Variants in CDH4 observed in about 807,000 individuals in gnomAD.
CDH4 encodes the protein cadherin 4.
A neutral mutation model predicts 86.0 loss-of-function variants in CDH4; 33 were observed. The observed-to-expected ratio is 0.38, with a 90% CI of 0.29 to 0.51. The LOEUF (loss-of-function observed/expected upper bound fraction) is 0.51. CDH4 is among the 20% of genes least tolerant of loss of function. The probability of loss-of-function intolerance (pLI) is 0.86; values close to 1 mark genes in which losing one functional copy is unlikely to be tolerated. For synonymous variants in CDH4, 555 were observed against 549.4 expected, an observed-to-expected ratio of 1.01 and a Z score of -0.14; for missense variants, 1,114 against 1,307.4, an observed-to-expected ratio of 0.85 and a Z score of 2.28.
intron 2 of CDH4, among the ~76,000 whole-genome samples, chr20:61,542,159 A>G (rs1201693748): frequency 6.6e-6 from 1 of 152,220 alleles, no homozygotes; most frequent in African/African-American, 2.4e-5. Flanking sequence ...TACTGGGTTA[A>G]GCTACTGAGA....
intron 2 of CDH4, among the ~76,000 whole-genome samples, chr20:61,607,109 C>A (rs2086651777): frequency 6.6e-6 from 1 of 152,178 alleles, no homozygotes; most frequent in Non-Finnish European, 1.5e-5. Flanking sequence ...CCTGCCTTTG[C>A]CACACAGACC....
At chr20:61,728,235 C>T (rs765025521) in intron 2 of CDH4, among the ~76,000 whole-genome samples, 9 of 152,220 alleles carry the variant, frequency 5.9e-5, no homozygotes, top group South Asian at 2.1e-4. Context: ...AACATCTAAG[C>T]ATAACCACCT....
At chr20:61,653,489 C>T (rs867984140) in intron 2 of CDH4, among the ~76,000 whole-genome samples, 1 of 139,608 alleles carries the variant, frequency 7.2e-6, no homozygotes, top group Non-Finnish European at 1.6e-5. Flanking sequence ...GGCAGAGGGG[C>T]TCCTCACTTC....
chr20:61,904,284 T>C (rs977928855), intron 8 of CDH4, among the ~76,000 whole-genome samples: 2 of 152,162 alleles, frequency 1.3e-5, no homozygotes, highest in Non-Finnish European at 2.9e-5. Flanking sequence ...CTCCCAGTCC[T>C]CTGGGTACCT....
At chr20:61,774,368 G>A (rs117218193) in intron 4 of CDH4, among the ~76,000 whole-genome samples, 6,207 of 152,306 alleles carry the variant, frequency 0.041, 143 homozygotes, top group Middle Eastern at 0.078. Context: ...GCAACCTCCC[G>A]CCCACCACGG....
chr20:61,815,333 G>A (rs190151261), intron 4 of CDH4, among the ~76,000 whole-genome samples: 243 of 152,340 alleles, frequency 1.6e-3, no homozygotes, highest in African/African-American at 5.4e-3. Context: ...TCTCGTGTAC[G>A]ATGCTTTGTG....
chr20:61,933,096 ACGAGGAAGGCGGTGG>A lies in CDH4; in HGVS notation c.2358_2372del (p.Gly787_Glu791del). The A allele has an allele frequency of 6.2e-7, 1 of 1,613,104 alleles. No homozygotes were observed. Among genetic ancestry groups the A allele is most frequent in the Non-Finnish European group, 8.5e-7 (1 of 1,179,944 alleles). ...GTCCGCGACAACATCCTCAAGTATG[ACGAGGAAGGCGGTGG>A]CGAGGAGGACCAGGTGAGACTGCGG... On this transcript the variant is annotated inframe_deletion, in exon 14 of 16. Coordinates refer to ENST00000614565, the MANE Select transcript of CDH4 (RefSeq NM_001794.5).
intron 2 of CDH4, among the ~76,000 whole-genome samples, chr20:61,437,935 T>C (rs190797559): frequency 7.9e-4 from 121 of 152,330 alleles, no homozygotes; most frequent in Non-Finnish European, 9.7e-4. Context: ...TAAGGGCCAG[T>C]AGGCTTTTCA....
intron 2 of CDH4, among the ~76,000 whole-genome samples, chr20:61,505,330 G>T (rs1203798214): frequency 6.6e-6 from 1 of 152,222 alleles, no homozygotes; most frequent in Non-Finnish European, 1.5e-5. Flanking sequence ...GATTCAGTAT[G>T]CTTCAGAGCG....
intron 3 of CDH4, among the ~76,000 whole-genome samples, chr20:61,749,877 G>A (rs184733186): frequency 1.2e-4 from 19 of 152,264 alleles, no homozygotes; most frequent in Admixed American, 3.3e-4. Flanking sequence ...CCCAGCCAAC[G>A]TGGTGAAACC....
rs564519539 is a variant in CDH4 at position 61,516,873 on chromosome 20, C to T, written c.170-226690C>T. On this transcript the variant is annotated intron_variant, in intron 2 of 15. Coordinates refer to ENST00000614565, the MANE Select transcript of CDH4 (RefSeq NM_001794.5). The surrounding 1 kb of genome is among the most constrained non-coding windows in gnomAD (Gnocchi z 4.0). Reference sequence around the variant, plus strand: ...CCTACTCCCTGGCTCCTCGTCCTAGCAAGGAGCTCCAGGCACCCTCAGCCT... The same window carrying T: ...CCTACTCCCTGGCTCCTCGTCCTAGTAAGGAGCTCCAGGCACCCTCAGCCT... Among the ~76,000 whole-genome samples, 1 of 152,334 alleles carries T rather than the reference C, an allele frequency of 6.6e-6. No individual in the cohort carries two copies. Among genetic ancestry groups the T allele is most frequent in the African/African-American group, 2.4e-5 (1 of 41,576 alleles).
intron 2 of CDH4, among the ~76,000 whole-genome samples, chr20:61,562,186 G>A (rs1446365126): frequency 1.0e-5 from 1 of 98,892 alleles, no homozygotes; most frequent in African/African-American, 4.5e-5. Flanking sequence ...GTGGAGAGGT[G>A]GACCCCAGGG....
intron 6 of CDH4, among the ~76,000 whole-genome samples, chr20:61,853,563 G>A (rs540737782): frequency 1.3e-5 from 2 of 152,278 alleles, no homozygotes; most frequent in South Asian, 4.1e-4. Flanking sequence ...AGCGTGTCAT[G>A]TCTTGCATCT....
chr20:61,862,981 C>A (rs920404584), intron 6 of CDH4, among the ~76,000 whole-genome samples: 4 of 152,108 alleles, frequency 2.6e-5, no homozygotes, highest in African/African-American at 9.7e-5. Flanking sequence ...AGAAGTCCCC[C>A]TGAGGTTAAT....
intron 2 of CDH4, among the ~76,000 whole-genome samples, chr20:61,342,054 G>A (rs184627694): frequency 9.2e-5 from 14 of 152,326 alleles, no homozygotes; most frequent in Non-Finnish European, 1.8e-4. Context: ...CTGAGGCAGA[G>A]CTATGGATGA....
intron 7 of CDH4, among the ~76,000 whole-genome samples, chr20:61,875,154 A>T (rs1430880288): frequency 6.6e-6 from 1 of 152,092 alleles, no homozygotes; most frequent in East Asian, 1.9e-4. Flanking sequence ...TTCTCCAAAA[A>T]CCAAGACTCA....
At chr20:61,294,842 G>A (rs1446552491) in intron 2 of CDH4, among the ~76,000 whole-genome samples, 1 of 152,234 alleles carries the variant, frequency 6.6e-6, no homozygotes, top group African/African-American at 2.4e-5. Flanking sequence ...CACGGCGCTC[G>A]GTGTGAGTTC....
rs200870108 is a variant in CDH4 at position 61,924,385 on chromosome 20, C to T, written c.1680C>T (p.Asn560=). Residue 560 remains asparagine, a synonymous_variant, in exon 11 of 16, where the codon AAC becomes AAT. Transcript: ENST00000614565. The part of the protein sequence containing the change: ...PASWLHINAT[N]GQITTAAVLD... ...GCTGGCTGCACATCAATGCCACCAA[C>T]GGCCAGATCACCACGGCGGCAGTGC... is the stretch of plus-strand genomic sequence containing the variant. 5.2e-5 allele frequency: 84 copies of T among 1,613,838 alleles called. No homozygotes were observed. Among genetic ancestry groups the T allele is most frequent in the Middle Eastern group, 3.3e-4 (2 of 6,060 alleles).
intron 11 of CDH4, 61 bp from the exon 12 acceptor site, chr20:61,928,129 C>A: frequency 8.0e-7 from 1 of 1,256,714 alleles, no homozygotes; most frequent in Non-Finnish European, 1.2e-6. Flanking sequence ...CTGTGTGGAG[C>A]TGTGGGTTGG....
Sources: allele counts gnomAD v4.1 joint callset (sites outside exome capture counted in the v4.1 genomes callset), GRCh38; gene constraint gnomAD v4.1.1; non-coding constraint Gnocchi (gnomAD v3.1); transcripts MANE v1.5; gene names NCBI Gene and HGNC (gene_info 2026-07-23, HGNC 2026-07-21).